Variants in TPPP observed in about 807,000 individuals in gnomAD.
The protein encoded by TPPP is tubulin polymerization-promoting protein.
TPPP carries 6 observed loss-of-function variants against 15.5 expected under a neutral mutation model. The observed-to-expected ratio is 0.39, with a 90% CI of 0.21 to 0.77. The LOEUF (loss-of-function observed/expected upper bound fraction) is 0.77, where lower values mean the gene tolerates loss of function less well. Among genes scored for constraint, TPPP ranks in the 30% least tolerant of loss-of-function variants. The pLI is 0.42. For missense variants in TPPP, 269 were observed against 307.2 expected, an observed-to-expected ratio of 0.88 and a Z score of 0.93; for synonymous variants, 146 against 133.9, an observed-to-expected ratio of 1.09 and a Z score of -0.63.
chr5:685,196 G>A (rs1442482079), intron 1 of TPPP, among the ~76,000 whole-genome samples: 2 of 152,208 alleles, frequency 1.3e-5, no homozygotes, highest in African/African-American at 2.4e-5. Flanking sequence ...CAGAGGGATC[G>A]CTAGGATGGG....
At chr5:666,153 G>C (rs1448311654) in intron 2 of TPPP, 30 bp from the exon 3 acceptor site, 1 of 1,601,916 alleles carries the variant, frequency 6.2e-7, no homozygotes. Context: ...TTAGGGCTGG[G>C]CGCGGGCCGG....
intron 2 of TPPP, among the ~76,000 whole-genome samples, chr5:669,596 T>G (rs1350397509): frequency 6.6e-6 from 1 of 152,124 alleles, no homozygotes; most frequent in African/African-American, 2.4e-5. Flanking sequence ...TGACCAGTGC[T>G]GAGGCACGCA....
chr5:676,854 C>G (rs945169712), intron 2 of TPPP, among the ~76,000 whole-genome samples: 3 of 145,798 alleles, frequency 2.1e-5, no homozygotes, highest in African/African-American at 8.1e-5. Flanking sequence ...GACACAGAAA[C>G]GCGCACACAC....
In TPPP at chr5:666,091, T is replaced by C; in HGVS notation, c.344A>G (p.Gln115Arg). ...GAGCTCCTCCAGCGCCTCCTGGAAC[T>C]GCTCAAAGGTGATGGTCCGGCAAGA... Reference protein sequence around the residue: ...GKSCRTITFEQFQEALEELAK... With the variant: ...GKSCRTITFERFQEALEELAK... Residue 115 changes from glutamine to arginine, a missense_variant, in exon 3 of 4, where the codon CAG becomes CGG. Coordinates refer to ENST00000360578, the MANE Select transcript of TPPP (RefSeq NM_007030.3). 17 of 1,612,188 alleles carry C rather than the reference T, an allele frequency of 1.1e-5. No homozygotes were observed. The highest frequency in any genetic ancestry group is 1.4e-5 in the Non-Finnish European group (17 of 1,179,812).
At position 666,130 on chromosome 5, in the gene TPPP, G is replaced by A; in HGVS notation, c.312-7C>T. 1.3e-6 allele frequency: 2 copies of A among 1,527,310 alleles called. No individual in the cohort carries two copies. The highest frequency in any genetic ancestry group is 2.3e-5 in the East Asian group (1 of 42,658). 94.6% of individuals were successfully genotyped at this position (1,527,310 alleles called of 1,614,324 possible). A position where few individuals can be genotyped will look rare whatever the true frequency, so the allele number is the denominator to read the frequency against. ...GGTCCGGCAAGACTTCCCTCTACAG[G>A]GGCACAGGCGACTTAGGGCTGGGCG... On this transcript the variant is annotated splice_polypyrimidine_tract_variant and splice_region_variant and intron_variant, in intron 2 of 3. Transcript: ENST00000360578.
chr5:668,801 C>T (rs1740067907), intron 2 of TPPP, among the ~76,000 whole-genome samples: 1 of 152,256 alleles, frequency 6.6e-6, no homozygotes, highest in Admixed American at 6.5e-5. Flanking sequence ...AGCGGCCAGA[C>T]CACAGTGCTG....
chr5:675,005 G>T (rs1400506618), intron 2 of TPPP, among the ~76,000 whole-genome samples: 1 of 141,774 alleles, frequency 7.1e-6, no homozygotes, highest in Non-Finnish European at 1.5e-5. Flanking sequence ...GAGCAGTGAG[G>T]GGGGCACAGT....
At chr5:678,171 G>T in intron 1 of TPPP, 107 bp from the exon 2 acceptor site, 3 of 1,205,618 alleles carry the variant, frequency 2.5e-6, no homozygotes, top group Non-Finnish European at 3.4e-6. Flanking sequence ...ACGTGGCGAG[G>T]GCTGAGATGG....
At chr5:691,844 CAACCCCCATCAAAACAGCAGCCCCCTA>C (rs1740879011) in intron 1 of TPPP, among the ~76,000 whole-genome samples, 3 of 88,610 alleles carry the variant, frequency 3.4e-5, no homozygotes, top group Non-Finnish European at 8.0e-5. Context: ...CAGCAGCCCT[CAACCCCCATCAAAACAGCAGCCCCCTA>C]AACCCCCATC....
intron 1 of TPPP, among the ~76,000 whole-genome samples, chr5:678,685 C>T (rs2126904333): frequency 6.7e-6 from 1 of 149,782 alleles, no homozygotes; most frequent in South Asian, 2.1e-4. Flanking sequence ...AGCCCTGGGC[C>T]TGGCCCCGGC....
chr5:669,812 C>T (rs1740139086), intron 2 of TPPP, among the ~76,000 whole-genome samples: 1 of 152,108 alleles, frequency 6.6e-6, no homozygotes, highest in Admixed American at 6.5e-5. Flanking sequence ...GTGCCCCCCG[C>T]CTGGGGCAGT....
chr5:668,913 C>T (rs563750012), intron 2 of TPPP, among the ~76,000 whole-genome samples: 25 of 152,316 alleles, frequency 1.6e-4, no homozygotes, highest in African/African-American at 3.8e-4. Context: ...GAGCCAGGCA[C>T]GGAGGTGCCG....
chr5:700,456 G>A, the TPPP span, among the ~76,000 whole-genome samples: 886 of 151,954 alleles, frequency 5.8e-3, 3 homozygotes, highest in African/African-American at 0.021. Flanking sequence ...GGTGGAAGGG[G>A]GTGAGAGTTG....
chr5:664,981 A>G lies in TPPP; in HGVS notation c.*121T>C, dbSNP rs1739832709. 1.6e-6 allele frequency: 2 copies of G among 1,244,806 alleles called. No individual in the cohort carries two copies. Among genetic ancestry groups the G allele is most frequent in the Non-Finnish European group, 2.2e-6 (2 of 901,066 alleles). The allele number at this position is 1,244,806 out of a possible 1,614,324, so 77.1% of individuals were successfully genotyped here. ...GGAGGCCTGGGCCTGGCCGCCCCCC[A>G]GCCCCCTCTGGGGCACCCGTCTGAG... On this transcript the variant is annotated 3_prime_UTR_variant, in exon 4 of 4. Coordinates refer to ENST00000360578, the MANE Select transcript of TPPP (RefSeq NM_007030.3).
chr5:675,598 G>A (rs1437462426), intron 2 of TPPP, among the ~76,000 whole-genome samples: 1 of 151,216 alleles, frequency 6.6e-6, no homozygotes, highest in Non-Finnish European at 1.5e-5. Flanking sequence ...GTGCAGCATG[G>A]GGGGTACAGT....
rs1433990880 is a variant in TPPP at position 663,800 on chromosome 5, G to A, written c.*1302C>T. ...ACTGCCGCAGGCTCATCCGCAGGTA[G>A]ACTCCAGAACCACGGCCCAGCAGGT... On this transcript the variant is annotated 3_prime_UTR_variant, in exon 4 of 4. Transcript: ENST00000360578. 1 of 152,398 alleles carries A rather than the reference G, an allele frequency of 6.6e-6. No homozygotes were observed. Among genetic ancestry groups the A allele is most frequent in the African/African-American group, 2.4e-5 (1 of 41,474 alleles). 9.4% of individuals were successfully genotyped at this position (152,398 alleles called of 1,614,324 possible).
intron 2 of TPPP, among the ~76,000 whole-genome samples, chr5:671,011 G>A (rs1030350799): frequency 2.0e-5 from 3 of 151,912 alleles, no homozygotes; most frequent in African/African-American, 7.2e-5. Context: ...GCCCCAGGGC[G>A]GGCTGAGGGC....
At chr5:688,344 T>G (rs1298404541) in intron 1 of TPPP, among the ~76,000 whole-genome samples, 1 of 145,346 alleles carries the variant, frequency 6.9e-6, no homozygotes, top group Non-Finnish European at 1.5e-5. Flanking sequence ...TGGGCGGCGC[T>G]GAGCACGAGC....
rs954056922 is a variant in TPPP at position 662,487 on chromosome 5, G to C, written c.*2615C>G. On this transcript the variant is annotated 3_prime_UTR_variant, in exon 4 of 4. Coordinates refer to ENST00000360578, the MANE Select transcript of TPPP (RefSeq NM_007030.3). The stretch of plus-strand genomic sequence containing the variant: ...TGGCGAGCCTCTGTGCCTGCCGTGC[G>C]GTGTGAGGACCCGCGGACCCCAACC... 1 of 152,458 alleles carries C rather than the reference G, an allele frequency of 6.6e-6. No homozygotes were observed. The highest frequency in any genetic ancestry group is 1.5e-5 in the Non-Finnish European group (1 of 68,180). The allele number at this position is 152,458 out of a possible 1,614,324, so 9.4% of individuals were successfully genotyped here.
Sources: allele counts gnomAD v4.1 joint callset (sites outside exome capture counted in the v4.1 genomes callset), GRCh38; gene constraint gnomAD v4.1.1; transcripts MANE v1.5; gene names NCBI Gene and HGNC (gene_info 2026-07-23, HGNC 2026-07-21).